FGF14: variants seen among roughly 807,000 people sequenced by gnomAD.
FGF14 encodes the protein fibroblast growth factor 14.
A neutral mutation model predicts 25.5 loss-of-function variants in FGF14; 5 were observed. The observed-to-expected ratio is 0.20, with a 90% CI of 0.10 to 0.41. FGF14 has a LOEUF of 0.41. Ranked by LOEUF, FGF14 falls within the 10% of genes least tolerant of loss-of-function variation. The pLI, the probability that FGF14 is intolerant of heterozygous loss-of-function variation, is 1.00. For synonymous variants in FGF14, 138 were observed against 118.3 expected (o/e 1.17, Z -1.08); for missense variants, 222 against 320.1 (o/e 0.69, Z 2.34).
chr13:101,715,788 G>A lies in FGF14; in HGVS notation c.*7043C>T, dbSNP rs1249173666. The A allele has an allele frequency of 1.9e-5, 11 of 566,908 alleles. No individual in the cohort carries two copies. Among genetic ancestry groups the A allele is most frequent in the South Asian group, 1.7e-4 (6 of 35,160 alleles). The allele number at this position is 566,908 out of a possible 1,614,324, so 35.1% of individuals were successfully genotyped here. The stretch of plus-strand genomic sequence containing the variant: ...GTATGTTTTTCTATTTCTGAATTAC[G>A]AATGAAATCCGAGTACCTATTAGAA... On this transcript the variant is annotated 3_prime_UTR_variant, in exon 5 of 5. Coordinates refer to ENST00000376143, the MANE Select transcript of FGF14 (RefSeq NM_004115.4).
intron 1 of FGF14, among the ~76,000 whole-genome samples, chr13:102,298,607 G>A (rs2054855514): frequency 6.6e-6 from 1 of 151,988 alleles, no homozygotes; most frequent in South Asian, 2.1e-4. Context: ...ATTTTACACT[G>A]TTTTATAATA....
intron 1 of FGF14, among the ~76,000 whole-genome samples, chr13:102,006,338 C>T (rs2039782975): frequency 6.6e-6 from 1 of 152,128 alleles, no homozygotes; most frequent in Admixed American, 6.5e-5. Context: ...TGATGAAGAA[C>T]AGCAGGTGTT....
chr13:102,185,479 C>T (rs2048840780), intron 1 of FGF14, among the ~76,000 whole-genome samples: 2 of 152,104 alleles, frequency 1.3e-5, no homozygotes, highest in Admixed American at 1.3e-4. Context: ...GTTAAAGGAC[C>T]TGTTTTATAT....
intron 1 of FGF14, among the ~76,000 whole-genome samples, chr13:101,948,801 T>C (rs9300706): frequency 0.39 from 59,019 of 152,056 alleles, 13,044 homozygotes; most frequent in East Asian, 0.72. Flanking sequence ...AATACAATCA[T>C]CAAACGTTTT....
intron 1 of FGF14, among the ~76,000 whole-genome samples, chr13:102,010,053 A>C (rs1445180974): frequency 6.6e-6 from 1 of 152,208 alleles, no homozygotes; most frequent in African/African-American, 2.4e-5. Context: ...TTCTAAAATT[A>C]AGCAACAGTG....
At chr13:102,133,688 C>A (rs888657609) in intron 1 of FGF14, among the ~76,000 whole-genome samples, 1 of 152,198 alleles carries the variant, frequency 6.6e-6, no homozygotes, top group South Asian at 2.1e-4. Context: ...TTGGCTTACA[C>A]GAGGTGGATT....
chr13:102,347,580 C>T, intron 1 of FGF14, among the ~76,000 whole-genome samples: 1 of 152,072 alleles, frequency 6.6e-6, no homozygotes, highest in East Asian at 1.9e-4. Context: ...TCAATGAAGC[C>T]CTCTCGCACT....
At chr13:101,870,977 T>TACATACAC (rs1371469372) in intron 2 of FGF14, among the ~76,000 whole-genome samples, 1 of 148,934 alleles carries the variant, frequency 6.7e-6, no homozygotes, top group Non-Finnish European at 1.5e-5. Flanking sequence ...AATAAATAAA[T>TACATACAC]ACATACATAC....
chr13:102,028,168 T>G (rs1273873778), intron 1 of FGF14, among the ~76,000 whole-genome samples: 1 of 152,120 alleles, frequency 6.6e-6, no homozygotes, highest in African/African-American at 2.4e-5. Flanking sequence ...ATGCCTTTTC[T>G]TTCTTTCTTC....
chr13:102,234,597 T>G (rs994401909), intron 1 of FGF14, among the ~76,000 whole-genome samples: 1 of 152,166 alleles, frequency 6.6e-6, no homozygotes, highest in African/African-American at 2.4e-5. Flanking sequence ...ATAAAATAAT[T>G]TTTTAAATAA....
chr13:102,271,732 G>A (rs564784003), intron 1 of FGF14, among the ~76,000 whole-genome samples: 1 of 152,200 alleles, frequency 6.6e-6, no homozygotes, highest in East Asian at 1.9e-4. Flanking sequence ...CGCTATCATC[G>A]AGCACTTTTG....
At chr13:101,964,513 T>C (rs1018151016) in intron 1 of FGF14, among the ~76,000 whole-genome samples, 1 of 152,090 alleles carries the variant, frequency 6.6e-6, no homozygotes, top group Non-Finnish European at 1.5e-5. Flanking sequence ...CTGACACCCG[T>C]TTTTAGAGCC....
chr13:102,402,023 C>T (rs2058711616), upstream of FGF14: 1 of 316,846 alleles, frequency 3.2e-6, no homozygotes, highest in African/African-American at 2.4e-5. Context: ...AGAAGACTGC[C>T]ATTGTGTAGC....
chr13:102,167,276 T>G (rs1178887938), intron 1 of FGF14, among the ~76,000 whole-genome samples: 1 of 132,162 alleles, frequency 7.6e-6, no homozygotes, highest in African/African-American at 3.0e-5. Flanking sequence ...AGGCAGAGGT[T>G]GCAGTGAGCC....
intron 1 of FGF14, chr13:102,003,327 T>G (rs942733074): frequency 6.6e-6 from 1 of 152,190 alleles, no homozygotes. Context: ...CAGGTAAGTT[T>G]CTTAATGCTG....
rs992095377 is a variant in FGF14, at chr13:101,717,805, T to G, written c.*5026A>C. ...AGTACTTTGTCAGCCTCAGCTCCAC[T>G]GGAACTGCCCTTGATTCTCTATAGC... On this transcript the variant is annotated 3_prime_UTR_variant, in exon 5 of 5. Coordinates refer to ENST00000376143, the MANE Select transcript of FGF14 (RefSeq NM_004115.4). 4 of 152,178 alleles carry G rather than the reference T, an allele frequency of 2.6e-5. No individual in the cohort carries two copies. Among genetic ancestry groups the G allele is most frequent in the African/African-American group, 9.6e-5 (4 of 41,452 alleles). 9.4% of individuals were successfully genotyped at this position (152,178 alleles called of 1,614,324 possible).
intron 3 of FGF14, among the ~76,000 whole-genome samples, chr13:101,853,197 G>A (rs1401513902): frequency 2.0e-5 from 3 of 151,876 alleles, no homozygotes; most frequent in Admixed American, 6.6e-5. Context: ...ATCTTGGCCC[G>A]CCACCTTGTT....
Position 101,715,490 on chromosome 13 carries a change from T to C in FGF14, c.*7341A>G, listed in dbSNP as rs954749880. On this transcript the variant is annotated 3_prime_UTR_variant, in exon 5 of 5. Coordinates refer to ENST00000376143, the MANE Select transcript of FGF14 (RefSeq NM_004115.4). Reference sequence around the variant, plus strand: ...GAAATGATTTCATTGTGGACACTTGTGATTTATAATAGCATGTTTAAATTT... The same window carrying C: ...GAAATGATTTCATTGTGGACACTTGCGATTTATAATAGCATGTTTAAATTT... The C allele has an allele frequency of 4.0e-6, 4 of 999,808 alleles. No individual in the cohort carries two copies. In the African/African-American group the frequency reaches 6.3e-5, roughly 16 times the overall value. The allele number at this position is 999,808 out of a possible 1,614,324, so 61.9% of individuals were successfully genotyped here. A position where few individuals can be genotyped will look rare whatever the true frequency, so the allele number is the denominator to read the frequency against.
chr13:101,965,288 G>A (rs1479866709), intron 1 of FGF14, among the ~76,000 whole-genome samples: 2 of 151,744 alleles, frequency 1.3e-5, no homozygotes, highest in African/African-American at 4.8e-5. Context: ...ACTACAGAGT[G>A]AAGTTATTGC....
Sources: allele counts gnomAD v4.1 joint callset (sites outside exome capture counted in the v4.1 genomes callset), GRCh38; gene constraint gnomAD v4.1.1; transcripts MANE v1.5; gene names NCBI Gene and HGNC (gene_info 2026-07-23, HGNC 2026-07-21).